The following PAPPA2 variants were observed in gnomAD, a reference collection of about 807,000 sequenced individuals.
PAPPA2 encodes the protein pappalysin 2.
PAPPA2 carries 86 observed loss-of-function variants against 176.4 expected under a neutral mutation model. That is an observed-to-expected ratio of 0.49 (90% confidence interval 0.41 to 0.58). The LOEUF is 0.58. Among genes scored for constraint, PAPPA2 ranks in the 20% least tolerant of loss-of-function variants. PAPPA2 has a pLI of 0.00. For synonymous variants in PAPPA2, 809 were observed against 852.2 expected, an observed-to-expected ratio of 0.95 and a Z score of 0.88; for missense variants, 2,073 against 2,256.9, an observed-to-expected ratio of 0.92 and a Z score of 1.65.
intron 2 of PAPPA2, among the ~76,000 whole-genome samples, chr1:176,565,291 G>C (rs1286400202): frequency 2.0e-5 from 3 of 152,100 alleles, no homozygotes; most frequent in East Asian, 1.9e-4. Context: ...GGGTCATATG[G>C]TTGCTATATA....
intron 3 of PAPPA2, among the ~76,000 whole-genome samples, chr1:176,637,026 G>A (rs1656735530): frequency 6.6e-6 from 1 of 152,080 alleles, no homozygotes; most frequent in Admixed American, 6.6e-5. Flanking sequence ...TTGTACTTCT[G>A]AAAGAGGTAA....
chr1:176,504,453 C>T (rs1648136172), intron 1 of PAPPA2, among the ~76,000 whole-genome samples: 2 of 151,984 alleles, frequency 1.3e-5, no homozygotes, highest in East Asian at 3.9e-4. Flanking sequence ...TCCTTTTGTT[C>T]ACTTAACTAT....
chr1:176,740,200 C>T lies in PAPPA2; in HGVS notation c.4151+4C>T, dbSNP rs772530520. On this transcript the variant is annotated splice_donor_region_variant and intron_variant, in intron 14 of 22. Coordinates refer to ENST00000367662, the MANE Select transcript of PAPPA2 (RefSeq NM_020318.3). ...GGCAGAATCATCAGGGACAGAGGTA[C>T]AAACTTCCCTTTCTTTCTTTTGTTT... 6.2e-6 allele frequency: 10 copies of T among 1,611,918 alleles called. No individual in the cohort carries two copies. In the East Asian group the frequency reaches 2.2e-4, roughly 36 times the overall value.
intron 3 of PAPPA2, among the ~76,000 whole-genome samples, chr1:176,610,840 A>G (rs1055368848): frequency 6.6e-6 from 1 of 152,154 alleles, no homozygotes; most frequent in Non-Finnish European, 1.5e-5. Context: ...TCATTTACTC[A>G]TTCAGTTTAT....
At chr1:176,580,724 ATAAT>A (rs1652913298) in intron 2 of PAPPA2, among the ~76,000 whole-genome samples, 2 of 152,216 alleles carry the variant, frequency 1.3e-5, no homozygotes, top group African/African-American at 4.8e-5. Context: ...CATTTCCCTG[ATAAT>A]TAATAATGTT....
chr1:176,690,521 A>T, intron 5 of PAPPA2, 91 bp downstream of exon 5: 1 of 1,546,510 alleles, frequency 6.5e-7, no homozygotes, highest in Non-Finnish European at 8.8e-7. Context: ...TGATGGGAGA[A>T]TGATTAAGTG....
rs1573034877 is a variant in PAPPA2 at position 176,556,173 on chromosome 1, G to A, written c.-150G>A. On this transcript the variant is annotated 5_prime_UTR_variant, in exon 2 of 23. Transcript: ENST00000367662. ...ACAGGTAGCCAGCAGAGGCATTCTT[G>A]GGGCTATTTGAAAAAGTTTGGTCTG... 2.2e-6 allele frequency: 2 copies of A among 909,894 alleles called. No individual in the cohort carries two copies. The highest frequency in any genetic ancestry group is 2.4e-5 in the East Asian group (1 of 40,852). 56.4% of individuals were successfully genotyped at this position (909,894 alleles called of 1,614,324 possible). A position where few individuals can be genotyped will look rare whatever the true frequency, so the allele number is the denominator to read the frequency against.
Position 176,556,918 on chromosome 1 carries a change from G to A in PAPPA2, c.596G>A (p.Arg199His), listed in dbSNP as rs1189516453. 3 of 1,614,084 alleles carry A rather than the reference G, an allele frequency of 1.9e-6. No homozygotes were observed. Among genetic ancestry groups the A allele is most frequent in the Non-Finnish European group, 2.5e-6 (3 of 1,180,016 alleles). Residue 199 changes from arginine (R) to histidine (H), a missense_variant, in exon 2 of 23, where the codon CGC (arginine) becomes CAC (histidine). Coordinates refer to ENST00000367662, the MANE Select transcript of PAPPA2 (RefSeq NM_020318.3). ...RRGWAKSRQR[R>H]QVWKRRAEDG... ...GGCTGGGCCAAGTCCAGGCAGCGTC[G>A]CCAAGTGTGGAAGAGGCGGGCGGAA...
chr1:176,492,119 T>A (rs1647322976), intron 1 of PAPPA2, among the ~76,000 whole-genome samples: 1 of 152,124 alleles, frequency 6.6e-6, no homozygotes, highest in Non-Finnish European at 1.5e-5. Flanking sequence ...ATGACAAACA[T>A]CCCTACAACT....
chr1:176,807,943 T>C (rs1223701280), intron 21 of PAPPA2, among the ~76,000 whole-genome samples: 1 of 152,174 alleles, frequency 6.6e-6, no homozygotes, highest in Non-Finnish European at 1.5e-5. Flanking sequence ...AAGCCACTTC[T>C]TAAATTTAGT....
chr1:176,769,905 C>A (rs1487395484), intron 16 of PAPPA2, 121 bp downstream of exon 16: 5 of 1,090,198 alleles, frequency 4.6e-6, no homozygotes, highest in Non-Finnish European at 6.5e-6. Context: ...GTGTCACCAT[C>A]TTCTGATAAC....
chr1:176,698,427 T>C (rs1403711963), intron 7 of PAPPA2, among the ~76,000 whole-genome samples: 1 of 152,204 alleles, frequency 6.6e-6, no homozygotes, highest in Non-Finnish European at 1.5e-5. Context: ...GGTAGATTAC[T>C]TCCATGGAGC....
At position 176,842,409 on chromosome 1, in the gene PAPPA2, G is replaced by A. The variant is rs1667521623; in HGVS notation, c.5331G>A (p.Leu1777=). ...TTCCATTTGCTGCTGACTGTGACCT[G>A]GATGAGTGCACCTGCCGGGACCCCA... ...KVIPFAADCD[L]DECTCRDPKA... is the part of the protein sequence containing the mutation. The change falls in exon 23 of 23, where the codon CTG becomes CTA. Residue 1777 remains leucine (L), a synonymous_variant. Transcript: ENST00000367662. 1.2e-6 allele frequency: 2 copies of A among 1,613,248 alleles called. No homozygotes were observed. The highest frequency in any genetic ancestry group is 1.7e-6 in the Non-Finnish European group (2 of 1,179,566).
intron 1 of PAPPA2, among the ~76,000 whole-genome samples, chr1:176,467,671 T>A (rs904860213): frequency 2.6e-5 from 4 of 152,208 alleles, no homozygotes; most frequent in Admixed American, 6.5e-5. Flanking sequence ...AACTTCACTC[T>A]GTTTCACAAA....
intron 12 of PAPPA2, among the ~76,000 whole-genome samples, chr1:176,731,000 T>C (rs187278466): frequency 0.016 from 2,366 of 152,180 alleles, 34 homozygotes; most frequent in Non-Finnish European, 0.025. Flanking sequence ...ATAGTGAGTC[T>C]TTATTTATTC....
chr1:176,538,104 C>T (rs1650168007), intron 1 of PAPPA2, among the ~76,000 whole-genome samples: 2 of 152,048 alleles, frequency 1.3e-5, no homozygotes, highest in South Asian at 4.1e-4. Flanking sequence ...GTGTTACAAA[C>T]CTTGTTTTGA....
chr1:176,758,617 C>T (rs1159584801), intron 14 of PAPPA2, among the ~76,000 whole-genome samples: 1 of 152,074 alleles, frequency 6.6e-6, no homozygotes, highest in African/African-American at 2.4e-5. Flanking sequence ...AAAATTGGAT[C>T]CTCTTTTACT....
chr1:176,687,961 G>A (rs1659927335), intron 4 of PAPPA2, among the ~76,000 whole-genome samples: 1 of 152,132 alleles, frequency 6.6e-6, no homozygotes, highest in East Asian at 1.9e-4. Flanking sequence ...GTAGTATGGT[G>A]TGCTGCATTT....
At chr1:176,758,876 G>A (rs2102897565) in intron 14 of PAPPA2, among the ~76,000 whole-genome samples, 1 of 152,278 alleles carries the variant, frequency 6.6e-6, no homozygotes, top group Non-Finnish European at 1.5e-5. Flanking sequence ...CCTCATCTGT[G>A]AAACTCAATA....
Sources: gnomAD v4.1 joint callset for allele counts (sites outside exome capture counted in the v4.1 genomes callset) on GRCh38, gnomAD v4.1.1 for gene constraint, MANE v1.5 for transcripts, NCBI Gene and HGNC (gene_info 2026-07-23, HGNC 2026-07-21) for gene names.